Variants in PSMD12 observed in about 807,000 individuals in gnomAD.
PSMD12 encodes proteasome 26S subunit, non-ATPase 12.
PSMD12 carries 8 observed loss-of-function variants against 62.9 expected under a neutral mutation model. The observed-to-expected ratio is 0.13, with a 90% confidence interval of 0.07 to 0.23. The LOEUF (loss-of-function observed/expected upper bound fraction) is 0.23. Ranked by LOEUF, PSMD12 falls within the 10% of genes least tolerant of loss-of-function variation. The pLI is 1.00. For missense variants in PSMD12, 424 were observed against 550.2 expected (o/e 0.77, Z 2.29); for synonymous variants, 173 against 187.4 (o/e 0.92, Z 0.63).
At chr17:67,361,601 T>C (rs1415728133) in intron 1 of PSMD12, among the ~76,000 whole-genome samples, 3 of 151,920 alleles carry the variant, frequency 2.0e-5, no homozygotes, top group Non-Finnish European at 4.4e-5. Flanking sequence ...TCACCACAAA[T>C]AGTTGAAATT....
chr17:67,343,773 C>T (rs945255277), intron 9 of PSMD12, among the ~76,000 whole-genome samples: 2 of 152,080 alleles, frequency 1.3e-5, no homozygotes, highest in African/African-American at 2.4e-5. Context: ...GTGTGATCTC[C>T]GTTCACTGAA....
intron 9 of PSMD12, among the ~76,000 whole-genome samples, chr17:67,344,194 T>C (rs1440792306): frequency 2.6e-5 from 4 of 152,190 alleles, no homozygotes; most frequent in Non-Finnish European, 5.9e-5. Context: ...CTAGTGAATA[T>C]TAAGAGAGAA....
At chr17:67,358,161 G>C (rs955353400) in intron 1 of PSMD12, among the ~76,000 whole-genome samples, 1 of 152,052 alleles carries the variant, frequency 6.6e-6, no homozygotes, top group Non-Finnish European at 1.5e-5. Context: ...GACCTCAAGC[G>C]ATCATCCCAC....
intron 9 of PSMD12, among the ~76,000 whole-genome samples, chr17:67,343,046 C>T (rs946107466): frequency 1.3e-5 from 2 of 151,812 alleles, no homozygotes; most frequent in African/African-American, 2.4e-5. Flanking sequence ...TTTCAACTGG[C>T]GATGGTGCTG....
At position 67,357,330 on chromosome 17, in the gene PSMD12, C is replaced by G; in HGVS notation, c.270G>C (p.Leu90Phe). Residue 90 changes from leucine (L) to phenylalanine (F), a missense_variant, in exon 3 of 11, where the codon TTG becomes TTC. Coordinates refer to ENST00000356126, the MANE Select transcript of PSMD12 (RefSeq NM_002816.5). Reference sequence around the variant, plus strand: ...GTTTTAACTGACTCCGCCTTTTGGACAAAAGCATAATATTTTCATTAAGTA... The same window carrying G: ...GTTTTAACTGACTCCGCCTTTTGGAGAAAAGCATAATATTTTCATTAAGTA... The part of the protein sequence containing the change: ...WDLLNENIML[L>F]SKRRSQLKQA... The G allele has an allele frequency of 3.7e-6, 6 of 1,613,258 alleles. No individual in the cohort carries two copies. The highest frequency in any genetic ancestry group is 5.1e-6 in the Non-Finnish European group (6 of 1,179,872).
intron 9 of PSMD12, among the ~76,000 whole-genome samples, chr17:67,343,642 C>CT (rs1441546872): frequency 6.6e-6 from 1 of 152,152 alleles, no homozygotes; most frequent in South Asian, 2.1e-4. Context: ...ATCTGATACT[C>CT]TTTTTATTTA....
intron 3 of PSMD12, among the ~76,000 whole-genome samples, chr17:67,352,820 C>T (rs2042030522): frequency 6.6e-6 from 1 of 152,186 alleles, no homozygotes; most frequent in South Asian, 2.1e-4. Flanking sequence ...ACTCAGTAGC[C>T]ATCTCAGTCT....
At chr17:67,353,446 T>G (rs1399841170) in intron 3 of PSMD12, among the ~76,000 whole-genome samples, 1 of 152,058 alleles carries the variant, frequency 6.6e-6, no homozygotes, top group African/African-American at 2.4e-5. Context: ...TAGCTGGGAC[T>G]ATGTGCGCCA....
intron 3 of PSMD12, among the ~76,000 whole-genome samples, chr17:67,356,582 A>AAAAAAAAAG (rs2042076397): frequency 6.8e-6 from 1 of 146,924 alleles, no homozygotes; most frequent in Non-Finnish European, 1.5e-5. Context: ...AAAAAAAAAA[A>AAAAAAAAAG]AAAAGAAAAT....
At chr17:67,342,571 C>T in intron 9 of PSMD12, 1 of 182,860 alleles carries the variant, frequency 5.5e-6, no homozygotes. Flanking sequence ...AATATTTTTG[C>T]TGAGTGCAAG....
In PSMD12 at chr17:67,344,579, A is replaced by T. The variant is rs200806256; in HGVS notation, c.1083+27T>A. 1.0e-3 allele frequency: 1,556 copies of T among 1,488,232 alleles called. 19 individuals are homozygous for T. The highest frequency in any genetic ancestry group is 3.4e-4 in the Admixed American group (16 of 46,406). The allele number at this position is 1,488,232 out of a possible 1,614,324, so 92.2% of individuals were successfully genotyped here. A position where few individuals can be genotyped will look rare whatever the true frequency, so the allele number is the denominator to read the frequency against. On this transcript the variant is annotated intron_variant, in intron 9 of 10. Transcript: ENST00000356126. ...AAATTCACTAAAGGTTAAAATAAAAATTGTCATCTCTATGACAGATTCTTA... is the reference window on the plus strand; with the variant it reads ...AAATTCACTAAAGGTTAAAATAAAATTTGTCATCTCTATGACAGATTCTTA...
intron 3 of PSMD12, among the ~76,000 whole-genome samples, chr17:67,356,440 C>A (rs1392866667): frequency 8.7e-5 from 13 of 148,858 alleles, no homozygotes; most frequent in African/African-American, 3.2e-4. Context: ...CGCCTGTAGT[C>A]CCAGCTACTC....
intron 3 of PSMD12, among the ~76,000 whole-genome samples, chr17:67,351,678 A>G (rs1174623930): frequency 2.0e-5 from 3 of 151,910 alleles, no homozygotes; most frequent in African/African-American, 7.3e-5. Flanking sequence ...CGAACCTATC[A>G]CCCAAACAGT....
chr17:67,358,181 C>T lies in PSMD12; in HGVS notation c.109-603G>A, dbSNP rs570906430. Among the ~76,000 whole-genome samples, 178 of 152,238 alleles carry T rather than the reference C, an allele frequency of 1.2e-3. 3 individuals carry two copies. In the South Asian group the frequency reaches 0.027, roughly 23 times the overall value. ...CAAGCGATCATCCCACCTCGGCCTC[C>T]CAAAGTGCTGGGATTACAGGCCTGA... On this transcript the variant is annotated intron_variant, in intron 1 of 10. Transcript: ENST00000356126.
chr17:67,342,042 T>C, intron 10 of PSMD12, 144 bp downstream of exon 10: 2 of 632,248 alleles, frequency 3.2e-6, no homozygotes, highest in East Asian at 2.8e-5. Context: ...AAGTTAGTTT[T>C]TGGTACTCAA....
chr17:67,365,879 C>A (rs1433288938), intron 1 of PSMD12, among the ~76,000 whole-genome samples: 2 of 152,120 alleles, frequency 1.3e-5, no homozygotes, highest in Non-Finnish European at 2.9e-5. Flanking sequence ...GTATGGCCCT[C>A]ACCACCATGC....
At position 67,341,653 on chromosome 17, in the gene PSMD12, C is replaced by A. The variant is rs367985716; in HGVS notation, c.1161+533G>T. On this transcript the variant is annotated intron_variant, in intron 10 of 10. Coordinates refer to ENST00000356126, the MANE Select transcript of PSMD12 (RefSeq NM_002816.5). ...CATGCCAACGGCAAGTTGGTCTACT[C>A]CCTTTTCTACAAAGTTTCCCCTTAA... Among the ~76,000 whole-genome samples the A allele has an allele frequency of 6.9e-4, 105 of 152,200 alleles. 3 individuals carry two copies. The South Asian group carries it at 0.021, about 31-fold the overall frequency.
At chr17:67,360,060 C>T (rs1266720926) in intron 1 of PSMD12, among the ~76,000 whole-genome samples, 1 of 152,202 alleles carries the variant, frequency 6.6e-6, no homozygotes, top group African/African-American at 2.4e-5. Context: ...CTCCAAAGCT[C>T]TCTCCACTAG....
rs747309893 is a variant in PSMD12, at chr17:67,347,372, T to C, written c.624A>G (p.Lys208=). 98 of 1,613,898 alleles carry C rather than the reference T, an allele frequency of 6.1e-5. No homozygotes were observed. The highest frequency in any genetic ancestry group is 8.1e-5 in the Non-Finnish European group (96 of 1,179,974). The change falls in exon 6 of 11, where the codon AAA becomes AAG. Residue 208 remains lysine, a synonymous_variant. Coordinates refer to ENST00000356126, the MANE Select transcript of PSMD12 (RefSeq NM_002816.5). The part of the protein sequence containing the change: ...DYIRTQIISK[K]INTKFFQEEN... ...CTTCCTGGAAAAATTTGGTGTTAAT[T>C]TTCTTGCTGATGATTTGTGTTCGAA...
Sources: gnomAD v4.1 joint callset for allele counts (sites outside exome capture counted in the v4.1 genomes callset) on GRCh38, gnomAD v4.1.1 for gene constraint, MANE v1.5 for transcripts, NCBI Gene and HGNC (gene_info 2026-07-23, HGNC 2026-07-21) for gene names.